The following SRP72 variants were observed in gnomAD, a reference collection of about 807,000 sequenced individuals.
The protein encoded by SRP72 is signal recognition particle 72.
A neutral mutation model predicts 96.3 loss-of-function variants in SRP72; 49 were observed. That is an observed-to-expected ratio of 0.51 (90% CI 0.40 to 0.65). The LOEUF is 0.65. Ranked by LOEUF, SRP72 falls within the 30% of genes least tolerant of loss-of-function variation. The probability of loss-of-function intolerance (pLI) is 0.00; values close to 1 mark genes in which losing one functional copy is unlikely to be tolerated. For missense variants in SRP72, 736 were observed against 793.3 expected (o/e 0.93, Z 0.87); for synonymous variants, 267 against 275.2 (o/e 0.97, Z 0.30).
At chr4:56,490,784 G>C (rs907025553) in intron 15 of SRP72, 139 bp downstream of exon 15, 41 of 683,856 alleles carry the variant, frequency 6.0e-5, no homozygotes, top group Non-Finnish European at 8.5e-5. Context: ...ACCAAAAAAT[G>C]AGAATTTATT....
At chr4:56,494,428 G>A (rs1044923736) in intron 16 of SRP72, among the ~76,000 whole-genome samples, 17 of 142,584 alleles carry the variant, frequency 1.2e-4, no homozygotes, top group African/African-American at 4.3e-4. Flanking sequence ...TTTTTGAGAC[G>A]GAGTCTTGCT....
At position 56,483,236 on chromosome 4, in the gene SRP72, T is replaced by A; in HGVS notation, c.923T>A (p.Phe308Tyr). The change falls in exon 9 of 19, where the codon TTT (phenylalanine) becomes TAT (tyrosine). Residue 308 changes from phenylalanine (F) to tyrosine (Y), a missense_variant. By Grantham distance (22) the Phe-to-Tyr change is conservative (BLOSUM62 3). Coordinates refer to ENST00000642900, the MANE Select transcript of SRP72 (RefSeq NM_006947.4). ...LSKKQLQAIE[F>Y]NKALLAMYTN... ...AAGAAACAACTACAAGCTATAGAAT[T>A]TAACAAAGCTTTACTTGCTATGTAC... The A allele has an allele frequency of 6.2e-7, 1 of 1,612,852 alleles. No individual in the cohort carries two copies. The highest frequency in any genetic ancestry group is 8.5e-7 in the Non-Finnish European group (1 of 1,179,750).
At chr4:56,476,850 T>G (rs1392890751) in intron 6 of SRP72, 148 bp downstream of exon 6, 5 of 744,640 alleles carry the variant, frequency 6.7e-6, no homozygotes, top group Non-Finnish European at 1.1e-5. Context: ...CTAGTATCAG[T>G]TATTTGATGA....
Position 56,490,188 on chromosome 4 carries a change from A to AT in SRP72, c.1321-141dup. On this transcript the variant is annotated intron_variant, in intron 13 of 18. Transcript: ENST00000642900. ...CTGCTTTCCTCTACATGTGTGGATGATTTTGTTGTTTCAGGCATTCAGTGA... is the reference window on the plus strand; with the variant it reads ...CTGCTTTCCTCTACATGTGTGGATGATTTTTGTTGTTTCAGGCATTCAGTGA... 4 of 623,840 alleles carry AT rather than the reference A, an allele frequency of 6.4e-6. No individual in the cohort carries two copies. The South Asian group carries it at 8.8e-5, about 14-fold the overall frequency. The allele number at this position is 623,840 out of a possible 1,614,324, so 38.6% of individuals were successfully genotyped here.
intron 17 of SRP72, among the ~76,000 whole-genome samples, chr4:56,495,889 G>A (rs761826674): frequency 6.6e-6 from 1 of 152,088 alleles, no homozygotes; most frequent in South Asian, 2.1e-4. Flanking sequence ...TCTTTGTTCT[G>A]CTCTCCACAA....
intron 8 of SRP72, among the ~76,000 whole-genome samples, chr4:56,481,878 G>C (rs1720503875): frequency 6.7e-6 from 1 of 149,882 alleles, no homozygotes; most frequent in African/African-American, 2.5e-5. Flanking sequence ...CAGTGCTCCT[G>C]CCTCAGCCTT....
intron 16 of SRP72, among the ~76,000 whole-genome samples, chr4:56,494,773 A>G (rs1008450638): frequency 2.6e-5 from 4 of 152,148 alleles, no homozygotes; most frequent in African/African-American, 7.2e-5. Context: ...TTTTTTGGTC[A>G]ATGTACTTAA....
chr4:56,474,149 C>A lies in SRP72; in HGVS notation c.450C>A (p.Asn150Lys). The change falls in exon 4 of 19, where the codon AAC becomes AAA. Residue 150 changes from asparagine to lysine, a missense_variant. This residue lies in a region of SRP72 where 329 missense variants were observed against 319.0 expected (regional missense o/e 1.03). Transcript: ENST00000642900. ...QDDYDEERKT[N>K]LSAVVAAQSN... is the part of the protein sequence containing the mutation. ...ATTATGATGAGGAGAGGAAAACAAACCTTTCAGCAGTTGTTGCAGCTCAAA... is the reference window on the plus strand; with the variant it reads ...ATTATGATGAGGAGAGGAAAACAAAACTTTCAGCAGTTGTTGCAGCTCAAA... 6.2e-7 allele frequency: 1 copy of A among 1,614,190 alleles called. No homozygotes were observed. The highest frequency in any genetic ancestry group is 8.5e-7 in the Non-Finnish European group (1 of 1,180,024).
At chr4:56,481,047 T>G (rs1720464146) in intron 8 of SRP72, among the ~76,000 whole-genome samples, 1 of 152,192 alleles carries the variant, frequency 6.6e-6, no homozygotes, top group Non-Finnish European at 1.5e-5. Context: ...AAATCAAGTT[T>G]AAGAAAAGTC....
At chr4:56,490,770 T>C (rs920007456) in intron 15 of SRP72, 125 bp downstream of exon 15, 1 of 757,238 alleles carries the variant, frequency 1.3e-6, no homozygotes, top group Non-Finnish European at 2.1e-6. Context: ...TTTTAACTAG[T>C]AAAACCAAAA....
chr4:56,470,942 C>T (rs1295995332), intron 2 of SRP72, among the ~76,000 whole-genome samples: 4 of 150,824 alleles, frequency 2.7e-5, no homozygotes, highest in Non-Finnish European at 1.5e-5. Flanking sequence ...GCTGTGATTA[C>T]AGATGTGCAC....
At chr4:56,483,087 A>G (rs1720565479) in intron 8 of SRP72, 52 bp from the exon 9 acceptor site, 2 of 1,548,284 alleles carry the variant, frequency 1.3e-6, no homozygotes, top group East Asian at 2.3e-5. Flanking sequence ...AGAAAAAGGA[A>G]TAAGTTGAAA....
chr4:56,484,787 C>CG lies in SRP72; in HGVS notation c.1009_1010insG (p.His337ArgfsTer15), dbSNP rs774498256. 6.2e-7 allele frequency: 1 copy of CG among 1,614,044 alleles called. No individual in the cohort carries two copies. Among genetic ancestry groups the CG allele is most frequent in the Non-Finnish European group, 8.5e-7 (1 of 1,180,042 alleles). ...CAGTTTACAGTCCCAAAGTCCCGAG[C>CG]ATCTCTTACCTGTGTTAATCCAAGC... On this transcript the variant is annotated frameshift_variant, in exon 10 of 19. Coordinates refer to ENST00000642900, the MANE Select transcript of SRP72 (RefSeq NM_006947.4). LOFTEE classifies it high-confidence loss of function.
In SRP72 at chr4:56,468,891, T is replaced by G. The variant is rs75975530; in HGVS notation, c.110-762T>G. On this transcript the variant is annotated intron_variant, in intron 1 of 18. Transcript: ENST00000642900. Reference sequence around the variant, plus strand: ...ATGTTTTCTTAATTGGTAGAAATTCTTGTGATTCTTTGAGAATTGGACTTC... The same window carrying G: ...ATGTTTTCTTAATTGGTAGAAATTCGTGTGATTCTTTGAGAATTGGACTTC... Among the ~76,000 whole-genome samples the G allele has an allele frequency of 7.3e-3, 1,107 of 152,358 alleles. 20 individuals carry two copies. Among genetic ancestry groups the G allele is most frequent in the African/African-American group, 0.025 (1,059 of 41,576 alleles).
At chr4:56,487,717 T>C (rs539461475) in intron 11 of SRP72, among the ~76,000 whole-genome samples, 2 of 152,168 alleles carry the variant, frequency 1.3e-5, no homozygotes, top group Non-Finnish European at 2.9e-5. Context: ...TTAACTTTCT[T>C]TGTGAGCTTA....
At chr4:56,485,850 C>G (rs1257888107) in intron 10 of SRP72, among the ~76,000 whole-genome samples, 2 of 152,040 alleles carry the variant, frequency 1.3e-5, no homozygotes, top group Non-Finnish European at 2.9e-5. Context: ...TGCCTCTGTA[C>G]TGAACATATA....
At chr4:56,481,707 T>C (rs762598649) in intron 8 of SRP72, among the ~76,000 whole-genome samples, 2 of 152,118 alleles carry the variant, frequency 1.3e-5, no homozygotes, top group Non-Finnish European at 1.5e-5. Context: ...TATTACACTT[T>C]GTAAGTTTTT....
intron 10 of SRP72, among the ~76,000 whole-genome samples, chr4:56,485,421 ATCT>A (rs1224058900): frequency 1.4e-4 from 21 of 148,476 alleles, no homozygotes; most frequent in African/African-American, 4.5e-4. Flanking sequence ...AAAAAAAAAA[ATCT>A]ATTTAGTAAT....
intron 12 of SRP72, among the ~76,000 whole-genome samples, chr4:56,488,444 G>A (rs1720793975): frequency 6.6e-6 from 1 of 152,136 alleles, no homozygotes; most frequent in South Asian, 2.1e-4. Flanking sequence ...AACTAATTCT[G>A]TAGTGGTAGT....
Sources: allele counts gnomAD v4.1 joint callset (sites outside exome capture counted in the v4.1 genomes callset), GRCh38; gene constraint gnomAD v4.1.1; regional missense constraint gnomAD v4.1.1; transcripts MANE v1.5; gene names NCBI Gene and HGNC (gene_info 2026-07-23, HGNC 2026-07-21).